Variants in MYH16 observed in about 807,000 individuals in gnomAD.
The protein encoded by MYH16 is putative uncharacterized protein MYH16.
chr7:99,291,500 T>C, intron 31 of MYH16, 50 bp downstream of exon 12: 1 of 447,484 alleles, frequency 2.2e-6, no homozygotes, highest in South Asian at 1.6e-5. Flanking sequence ...CGCCTTAAAG[T>C]TATAGGTTAC....
exon 21 of MYH16, chr7:99,277,593 G>A (rs1227379916): frequency 2.2e-6 from 1 of 456,928 alleles, no homozygotes; most frequent in Non-Finnish European, 4.4e-6. Flanking sequence ...GGCCAAGGAG[G>A]AGGAGCTCAG....
At chr7:99,247,059 G>A (rs973096066) in intron 2 of MYH16, among the ~76,000 whole-genome samples, 4 of 152,170 alleles carry the variant, frequency 2.6e-5, no homozygotes, top group South Asian at 2.1e-4. Context: ...AGGAGTGTCT[G>A]TAATTAAACC....
chr7:99,267,630 A>G (rs1792000770), intron 18 of MYH16, among the ~76,000 whole-genome samples: 1 of 152,214 alleles, frequency 6.6e-6, no homozygotes, highest in Non-Finnish European at 1.5e-5. Context: ...ACAATGAAGC[A>G]CTGTAAGCCC....
At chr7:99,293,276 C>T (rs921193151) in intron 32 of MYH16, among the ~76,000 whole-genome samples, 6 of 152,202 alleles carry the variant, frequency 3.9e-5, no homozygotes, top group Non-Finnish European at 8.8e-5. Context: ...TAAGTGTTTC[C>T]GGGATCCCAG....
intron 37 of MYH16, 66 bp downstream of exon 18, chr7:99,299,724 T>G (rs1169324477): frequency 6.6e-6 from 1 of 152,568 alleles, no homozygotes; most frequent in Non-Finnish European, 1.5e-5. Flanking sequence ...TCTGAAGGCC[T>G]AAAGGGGGCT....
chr7:99,260,466 T>C (rs1352307853), intron 12 of MYH16: 1 of 465,892 alleles, frequency 2.1e-6, no homozygotes, highest in Non-Finnish European at 4.0e-6. Context: ...GTATGACCTC[T>C]AGCTCCCTAT....
chr7:99,276,523 C>T (rs892457829), intron 20 of MYH16, among the ~76,000 whole-genome samples: 3 of 152,230 alleles, frequency 2.0e-5, no homozygotes, highest in Non-Finnish European at 2.9e-5. Flanking sequence ...CGGAGCCTGG[C>T]GCTCCAGTGC....
At chr7:99,272,274 A>G (rs1375785630) in intron 19 of MYH16, among the ~76,000 whole-genome samples, 3 of 152,170 alleles carry the variant, frequency 2.0e-5, no homozygotes, top group African/African-American at 7.2e-5. Context: ...TGAGAGGGGC[A>G]TGGTAGGGCC....
chr7:99,241,163 T>C (rs543215104), intron 1 of MYH16, among the ~76,000 whole-genome samples: 6 of 152,308 alleles, frequency 3.9e-5, no homozygotes, highest in African/African-American at 1.4e-4. Flanking sequence ...AGATGGAGCC[T>C]GTGGCGCTGG....
exon 22 of MYH16, chr7:99,279,609 G>A (rs1049533395): frequency 2.2e-6 from 1 of 456,644 alleles, no homozygotes; most frequent in Non-Finnish European, 4.4e-6. Flanking sequence ...GGAGCGGCTG[G>A]AGGAGGAAGA....
At chr7:99,308,908 A>T (rs2150842433), downstream of MYH16, among the ~76,000 whole-genome samples, 1 of 152,360 alleles carries the variant, frequency 6.6e-6, no homozygotes. Context: ...CCTGGGCAAC[A>T]TAGCAAGACC....
chr7:99,285,409 C>A (rs1449459729), exon 27 of MYH16: 1 of 456,744 alleles, frequency 2.2e-6, no homozygotes, highest in Non-Finnish European at 4.4e-6. Flanking sequence ...GGAAGAAGAA[C>A]TAGAAGCTGA....
intron 20 of MYH16, among the ~76,000 whole-genome samples, chr7:99,274,669 CTTTTTTT>C (rs745470963): frequency 9.4e-5 from 11 of 117,566 alleles, no homozygotes; most frequent in Non-Finnish European, 1.6e-4. Flanking sequence ...CATTAATTCA[CTTTTTTT>C]TTTTTTTTTT....
chr7:99,309,444 T>C (rs1422083203), downstream of MYH16, among the ~76,000 whole-genome samples: 1 of 152,200 alleles, frequency 6.6e-6, no homozygotes, highest in African/African-American at 2.4e-5. Flanking sequence ...AGGGAGGAGA[T>C]AAAATATGGG....
intron 28 of MYH16, among the ~76,000 whole-genome samples, chr7:99,287,359 C>G (rs1252940625): frequency 6.6e-6 from 1 of 151,774 alleles, no homozygotes; most frequent in East Asian, 1.9e-4. Flanking sequence ...ATGGTGAAAC[C>G]CCATCTCTAC....
chr7:99,287,880 C>T lies in MYH16; in HGVS notation n.3461-12C>T. On this transcript the variant is annotated splice_polypyrimidine_tract_variant and intron_variant and non_coding_transcript_variant, in intron 28 of 41. Transcript: ENST00000439784. ...TGGCCAGTTCTGCTAAGCTGCTCCT[C>T]CTCTACCCCAGATCGAGCAGAACCG... 2 of 454,024 alleles carry T rather than the reference C, an allele frequency of 4.4e-6. No individual in the cohort carries two copies. Among genetic ancestry groups the T allele is most frequent in the South Asian group, 3.1e-5 (2 of 64,488 alleles). 28.1% of individuals were successfully genotyped at this position (454,024 alleles called of 1,614,324 possible). A position where few individuals can be genotyped will look rare whatever the true frequency, so the allele number is the denominator to read the frequency against.
downstream of MYH16, among the ~76,000 whole-genome samples, chr7:99,307,916 A>G (rs932327865): frequency 1.3e-5 from 2 of 151,938 alleles, no homozygotes; most frequent in African/African-American, 4.8e-5. Flanking sequence ...GGGTTTCACC[A>G]TGTTGGCCAG....
intron 33 of MYH16, among the ~76,000 whole-genome samples, chr7:99,294,500 C>CAAAAAAAAAAAAAAAAAAA (rs1159682450): frequency 4.3e-4 from 11 of 25,566 alleles, no homozygotes; most frequent in Admixed American, 1.2e-3. Flanking sequence ...GACCCTGTCT[C>CAAAAAAAAAAAAAAAAAAA]AAAAAAAAAA....
chr7:99,310,451 TCAGGGAGAGCTCTGTATCCCA>T (rs1792744597), downstream of MYH16, among the ~76,000 whole-genome samples: 1 of 152,222 alleles, frequency 6.6e-6, no homozygotes, highest in Non-Finnish European at 1.5e-5. Context: ...AGGCAGGCTC[TCAGGGAGAGCTCTGTATCCCA>T]GGGCACTGCA....
Sources: gnomAD v4.1 joint callset for allele counts (sites outside exome capture counted in the v4.1 genomes callset) on GRCh38, gnomAD v4.1.1 for gene constraint, MANE v1.5 for transcripts, NCBI Gene and HGNC (gene_info 2026-07-23, HGNC 2026-07-21) for gene names.